GMDS: variants seen among roughly 807,000 people sequenced by gnomAD.
GMDS encodes the protein GDP-mannose 4,6-dehydratase, also known as GDP-mannose 4,6 dehydratase.
In GMDS, 20 loss-of-function variants were observed where a neutral mutation model predicts 49.9. The observed-to-expected ratio is 0.40, with a 90% confidence interval of 0.28 to 0.58. The LOEUF is 0.58. Ranked by LOEUF, GMDS falls within the 20% of genes least tolerant of loss-of-function variation. The probability of loss-of-function intolerance (pLI) is 0.42; values close to 1 mark genes in which losing one functional copy is unlikely to be tolerated. For missense variants in GMDS, 362 were observed against 481.4 expected (o/e 0.75, Z 2.32); for synonymous variants, 177 against 178.6 (o/e 0.99, Z 0.07).
At chr6:2,215,099 A>G (rs915602488) in intron 1 of GMDS, among the ~76,000 whole-genome samples, 2 of 152,212 alleles carry the variant, frequency 1.3e-5, no homozygotes, top group African/African-American at 2.4e-5. Context: ...AAATAAAGGG[A>G]TAAAAGAACA....
chr6:1,726,076 C>T (rs1281404365), intron 9 of GMDS, among the ~76,000 whole-genome samples: 2 of 152,148 alleles, frequency 1.3e-5, no homozygotes, highest in African/African-American at 4.8e-5. Context: ...TCTGGGACAG[C>T]GTTGTTAAGT....
intron 4 of GMDS, among the ~76,000 whole-genome samples, chr6:2,025,357 GGTGTGTGTGTGTGTGTGTGTGTGT>G (rs200096039): frequency 6.6e-5 from 9 of 136,574 alleles, no homozygotes; most frequent in Non-Finnish European, 9.4e-5. Flanking sequence ...CTGATGGTGG[GGTGTGTGTGTGTGTGTGTGTGTGT>G]GTGTGTGTGT....
intron 7 of GMDS, among the ~76,000 whole-genome samples, chr6:1,829,056 T>C (rs912020015): frequency 6.6e-6 from 1 of 152,184 alleles, no homozygotes; most frequent in African/African-American, 2.4e-5. Context: ...ATAAGAAACA[T>C]ATATTTGCTA....
intron 7 of GMDS, among the ~76,000 whole-genome samples, chr6:1,753,475 T>C (rs1007125013): frequency 6.6e-6 from 1 of 151,914 alleles, no homozygotes; most frequent in African/African-American, 2.4e-5. Context: ...CAATATTAGA[T>C]CATTGAGACA....
chr6:2,063,369 C>G (rs1771307689), intron 4 of GMDS, among the ~76,000 whole-genome samples: 1 of 152,010 alleles, frequency 6.6e-6, no homozygotes, highest in African/African-American at 2.4e-5. Flanking sequence ...TGTATTTTTT[C>G]AATTTGTAAG....
intron 4 of GMDS, among the ~76,000 whole-genome samples, chr6:2,086,926 C>T (rs1581632074): frequency 1.3e-5 from 2 of 152,074 alleles, no homozygotes; most frequent in Admixed American, 6.6e-5. Flanking sequence ...CTCCATAGAC[C>T]CAAGAGTTTC....
intron 7 of GMDS, among the ~76,000 whole-genome samples, chr6:1,874,811 C>T (rs954595662): frequency 6.6e-6 from 1 of 152,092 alleles, no homozygotes; most frequent in Non-Finnish European, 1.5e-5. Context: ...AAAATGTGCT[C>T]TAGAAAACAG....
rs141123583 is a variant in GMDS at position 1,744,818 on chromosome 6, C to T, written c.772-2232G>A. Among the ~76,000 whole-genome samples, 6 of 152,376 alleles carry T rather than the reference C, an allele frequency of 3.9e-5. No homozygotes were observed. In the East Asian group the frequency reaches 5.8e-4, roughly 15 times the overall value. ...GGAATGCTGACCTCTCTCTAGGTCCCGGACCAGGGTCCCAAGTCTAGCCAC... is the reference window on the plus strand; with the variant it reads ...GGAATGCTGACCTCTCTCTAGGTCCTGGACCAGGGTCCCAAGTCTAGCCAC... On this transcript the variant is annotated intron_variant, in intron 7 of 10. Transcript: ENST00000380815.
At chr6:1,729,988 G>A (rs573018114) in intron 8 of GMDS, among the ~76,000 whole-genome samples, 36 of 152,224 alleles carry the variant, frequency 2.4e-4, no homozygotes, top group African/African-American at 7.2e-4. Context: ...TGGTGGGGGC[G>A]GGGGAACAAC....
intron 1 of GMDS, among the ~76,000 whole-genome samples, chr6:2,174,630 C>T (rs1347042074): frequency 1.3e-5 from 2 of 151,852 alleles, no homozygotes; most frequent in African/African-American, 4.8e-5. Flanking sequence ...TGTGGTGGTG[C>T]GATCTCGGCT....
intron 7 of GMDS, among the ~76,000 whole-genome samples, chr6:1,786,799 G>GT (rs35301662): frequency 0.4 from 59,176 of 149,298 alleles, 11,597 homozygotes; most frequent in Middle Eastern, 0.43. Context: ...GTAATTTGTG[G>GT]TTTTTTTTTT....
chr6:2,174,637 G>A (rs934860349), intron 1 of GMDS, among the ~76,000 whole-genome samples: 8 of 151,814 alleles, frequency 5.3e-5, no homozygotes, highest in Non-Finnish European at 1.2e-4. Flanking sequence ...GTGCGATCTC[G>A]GCTCACTACA....
intron 7 of GMDS, among the ~76,000 whole-genome samples, chr6:1,748,058 T>C (rs1767583906): frequency 6.6e-6 from 1 of 152,224 alleles, no homozygotes; most frequent in Admixed American, 6.5e-5. Flanking sequence ...CAACACCATA[T>C]GTACTGAAAG....
intron 6 of GMDS, among the ~76,000 whole-genome samples, chr6:1,943,876 T>C (rs544558159): frequency 6.6e-6 from 1 of 152,344 alleles, no homozygotes; most frequent in Admixed American, 6.5e-5. Context: ...ATAAAAACTT[T>C]CTGTTGTGAC....
At chr6:2,025,984 G>T (rs1421480860) in intron 4 of GMDS, among the ~76,000 whole-genome samples, 1 of 152,084 alleles carries the variant, frequency 6.6e-6, no homozygotes, top group African/African-American at 2.4e-5. Flanking sequence ...ATAGTCCTTA[G>T]AACTTTTTTA....
intron 4 of GMDS, among the ~76,000 whole-genome samples, chr6:2,033,613 G>A: frequency 6.6e-6 from 1 of 152,168 alleles, no homozygotes; most frequent in East Asian, 1.9e-4. Flanking sequence ...CAGAATATAA[G>A]AAGGCTTCTG....
intron 7 of GMDS, among the ~76,000 whole-genome samples, chr6:1,806,168 A>T (rs778918153): frequency 6.6e-6 from 1 of 152,144 alleles, no homozygotes; most frequent in Non-Finnish European, 1.5e-5. Flanking sequence ...TGGGTAATCA[A>T]CTTTTCTCTC....
At chr6:1,828,566 G>A (rs1267911045) in intron 7 of GMDS, among the ~76,000 whole-genome samples, 1 of 152,090 alleles carries the variant, frequency 6.6e-6, no homozygotes, top group Non-Finnish European at 1.5e-5. Flanking sequence ...TCACATATAA[G>A]GGATCTTCAA....
chr6:1,917,170 G>A (rs557781103), intron 7 of GMDS, among the ~76,000 whole-genome samples: 16 of 152,184 alleles, frequency 1.1e-4, no homozygotes, highest in South Asian at 4.2e-4. Context: ...AATACCTAGC[G>A]AGAGGAATAC....
Sources: gnomAD v4.1 joint callset for allele counts (sites outside exome capture counted in the v4.1 genomes callset) on GRCh38, gnomAD v4.1.1 for gene constraint, MANE v1.5 for transcripts, NCBI Gene and HGNC (gene_info 2026-07-23, HGNC 2026-07-21) for gene names.